Variants in CAPZB observed in about 807,000 individuals in gnomAD.
CAPZB encodes F-actin-capping protein subunit beta.
CAPZB carries 2 observed loss-of-function variants against 38.1 expected under a neutral mutation model. That is an observed-to-expected ratio of 0.05 (90% CI 0.02 to 0.17). CAPZB has a LOEUF of 0.17. Ranked by LOEUF, CAPZB falls within the 10% of genes least tolerant of loss-of-function variation. The pLI is 1.00. For missense variants in CAPZB, 161 were observed against 334.2 expected, an observed-to-expected ratio of 0.48 and a Z score of 4.04; for synonymous variants, 107 against 127.4, an observed-to-expected ratio of 0.84 and a Z score of 1.08.
intron 1 of CAPZB, among the ~76,000 whole-genome samples, chr1:19,447,163 A>C (rs74720205): frequency 0.016 from 2,378 of 152,150 alleles, 41 homozygotes; most frequent in African/African-American, 0.046. Context: ...ATCCTTCTGC[A>C]GAGAAGGATT....
intron 2 of CAPZB, among the ~76,000 whole-genome samples, chr1:19,397,596 A>G (rs1266038636): frequency 1.3e-5 from 2 of 152,238 alleles, no homozygotes; most frequent in African/African-American, 4.8e-5. Flanking sequence ...TTTTCACACA[A>G]GGTCAACGCG....
intron 4 of CAPZB, among the ~76,000 whole-genome samples, chr1:19,369,533 C>T (rs116727316): frequency 3.6e-4 from 55 of 152,340 alleles, no homozygotes; most frequent in African/African-American, 8.7e-4. Flanking sequence ...AGGCCCTGTG[C>T]GCACATGGCT....
At chr1:19,438,118 G>T (rs567427419) in intron 1 of CAPZB, among the ~76,000 whole-genome samples, 1 of 152,270 alleles carries the variant, frequency 6.6e-6, no homozygotes, top group South Asian at 2.1e-4. Context: ...ACATGGTTCC[G>T]AGGTCATGCT....
chr1:19,477,188 T>G (rs1180732338), intron 1 of CAPZB, among the ~76,000 whole-genome samples: 1 of 152,188 alleles, frequency 6.6e-6, no homozygotes, highest in Non-Finnish European at 1.5e-5. Flanking sequence ...TATCCTTCAT[T>G]TCATGGCATC....
chr1:19,414,962 A>C (rs565419354), intron 2 of CAPZB, among the ~76,000 whole-genome samples: 3 of 152,388 alleles, frequency 2.0e-5, no homozygotes, highest in African/African-American at 7.2e-5. Context: ...TCATAATCCC[A>C]AGGCAGCAAA....
At chr1:19,474,206 G>A (rs2094599331) in intron 1 of CAPZB, among the ~76,000 whole-genome samples, 1 of 152,102 alleles carries the variant, frequency 6.6e-6, no homozygotes, top group Non-Finnish European at 1.5e-5. Flanking sequence ...CTGTTGGCCA[G>A]GCTGGTCTCG....
rs113162949 is a variant in CAPZB at position 19,450,159 on chromosome 1, A to G, written c.4-30409T>C. ...ACCCTGTCTCCAAAAAAAAAAAAAA[A>G]AAAAAAAAAAGAAAAGAAAAGAAAA... On this transcript the variant is annotated intron_variant, in intron 1 of 8. Coordinates refer to ENST00000264202, the MANE Select transcript of CAPZB (RefSeq NM_004930.5). Among the ~76,000 whole-genome samples the G allele has an allele frequency of 8.0e-4, 108 of 134,476 alleles. 2 individuals carry two copies. The highest frequency in any genetic ancestry group is 1.0e-3 in the Admixed American group (13 of 12,662). 88.2% of individuals were successfully genotyped at this position (134,476 alleles called of 152,430 possible).
At chr1:19,427,799 G>A (rs1249892235) in intron 1 of CAPZB, among the ~76,000 whole-genome samples, 1 of 152,242 alleles carries the variant, frequency 6.6e-6, no homozygotes, top group Non-Finnish European at 1.5e-5. Context: ...GGGAATCACA[G>A]CCACGACAGA....
chr1:19,393,986 G>A (rs1300564186), intron 2 of CAPZB, among the ~76,000 whole-genome samples: 2 of 152,178 alleles, frequency 1.3e-5, no homozygotes, highest in African/African-American at 4.8e-5. Context: ...ACTTGGCGCT[G>A]AGGGCCATAT....
chr1:19,347,538 G>A (rs966119466), intron 6 of CAPZB, among the ~76,000 whole-genome samples: 13 of 152,096 alleles, frequency 8.5e-5, no homozygotes, highest in Admixed American at 3.3e-4. Flanking sequence ...TGGCAACACC[G>A]ACCCACCAAA....
intron 2 of CAPZB, among the ~76,000 whole-genome samples, chr1:19,408,158 T>C (rs546757240): frequency 6.6e-6 from 1 of 152,350 alleles, no homozygotes; most frequent in African/African-American, 2.4e-5. Context: ...AGGCTGGGAC[T>C]TGGTTCACCT....
At chr1:19,435,008 AC>A (rs1558258864) in intron 1 of CAPZB, among the ~76,000 whole-genome samples, 2 of 130,580 alleles carry the variant, frequency 1.5e-5, no homozygotes, top group Non-Finnish European at 3.5e-5. Context: ...AAAAAAAAAA[AC>A]ACACTCATTA....
At chr1:19,467,407 C>T (rs1476257391) in intron 1 of CAPZB, among the ~76,000 whole-genome samples, 1 of 152,116 alleles carries the variant, frequency 6.6e-6, no homozygotes, top group African/African-American at 2.4e-5. Flanking sequence ...TCAGCTCTTG[C>T]GCTGAGGAGT....
chr1:19,390,777 C>T lies in CAPZB; in HGVS notation c.94-5151G>A, dbSNP rs193096542. 1.4e-4 allele frequency among the ~76,000 whole-genome samples: 21 copies of T among 152,278 alleles called. 1 individual carries two copies. The East Asian group carries it at 3.5e-3, about 25-fold the overall frequency. On this transcript the variant is annotated intron_variant, in intron 2 of 8. Transcript: ENST00000264202. ...GGAGAGACTAGGATGCCATTGGCAACGGCCTCAGGTGACACCTGAATAATA... is the reference window on the plus strand; with the variant it reads ...GGAGAGACTAGGATGCCATTGGCAATGGCCTCAGGTGACACCTGAATAATA...
chr1:19,460,201 T>C (rs12563442), intron 1 of CAPZB, among the ~76,000 whole-genome samples: 35,471 of 152,212 alleles, frequency 0.23, 4,489 homozygotes, highest in Non-Finnish European at 0.27. Flanking sequence ...ACAGCCACAG[T>C]GTGTAGTAAG....
intron 2 of CAPZB, among the ~76,000 whole-genome samples, chr1:19,416,859 TCAAAAAAA>T (rs1208112620): frequency 7.6e-5 from 1 of 13,226 alleles, no homozygotes; most frequent in Non-Finnish European, 1.2e-4. Context: ...AGACCCTGTC[TCAAAAAAA>T]AAAAAAAAAA....
intron 3 of CAPZB, 103 bp downstream of exon 3, chr1:19,385,402 C>T: frequency 7.4e-7 from 1 of 1,358,556 alleles, no homozygotes. Context: ...GCTGAATGGG[C>T]TGCCAGCTGC....
chr1:19,350,201 G>A (rs1420955677), intron 6 of CAPZB, among the ~76,000 whole-genome samples: 1 of 152,270 alleles, frequency 6.6e-6, no homozygotes, highest in Non-Finnish European at 1.5e-5. Flanking sequence ...CGCAGGGCGT[G>A]GCCCTAAGGC....
At chr1:19,407,150 T>C (rs1209975158) in intron 2 of CAPZB, among the ~76,000 whole-genome samples, 1 of 152,238 alleles carries the variant, frequency 6.6e-6, no homozygotes, top group Non-Finnish European at 1.5e-5. Flanking sequence ...TTCTCTGGCC[T>C]GGCATATAAA....
Sources: allele counts gnomAD v4.1 joint callset (sites outside exome capture counted in the v4.1 genomes callset), GRCh38; gene constraint gnomAD v4.1.1; transcripts MANE v1.5; gene names NCBI Gene and HGNC (gene_info 2026-07-23, HGNC 2026-07-21).